RPS6KC1: variants seen among roughly 807,000 people sequenced by gnomAD.
RPS6KC1 encodes the protein ribosomal protein S6 kinase C1.
In RPS6KC1, 54 loss-of-function variants were observed where a neutral mutation model predicts 103.8. The observed-to-expected ratio is 0.52, with a 90% CI of 0.42 to 0.65. RPS6KC1 has a LOEUF of 0.65. Ranked by LOEUF, RPS6KC1 falls within the 30% of genes least tolerant of loss-of-function variation. RPS6KC1 has a pLI of 0.00. For synonymous variants in RPS6KC1, 439 were observed against 438.7 expected, an observed-to-expected ratio of 1.00 and a Z score of -0.01; for missense variants, 1,151 against 1,253.8, an observed-to-expected ratio of 0.92 and a Z score of 1.24.
the RPS6KC1 span, among the ~76,000 whole-genome samples, chr1:213,336,819 G>A: frequency 6.6e-6 from 1 of 152,132 alleles, no homozygotes; most frequent in African/African-American, 2.4e-5. Flanking sequence ...CACCCAGCTC[G>A]TTGAGTTTTT....
rs1440147919 is a variant in RPS6KC1, at chr1:213,107,513, A to G, written c.378+2944A>G. Reference sequence around the variant, plus strand: ...CTTTTATGTTGCTGAAATGCATTTCATTGTATAGATAATACCACATTTTCT... The same window carrying G: ...CTTTTATGTTGCTGAAATGCATTTCGTTGTATAGATAATACCACATTTTCT... On this transcript the variant is annotated intron_variant, in intron 4 of 14. Transcript: ENST00000366960. 2.0e-5 allele frequency among the ~76,000 whole-genome samples: 3 copies of G among 152,192 alleles called. No homozygotes were observed. The East Asian group carries it at 5.8e-4, about 29-fold the overall frequency.
At chr1:213,131,890 G>A (rs901921769) in intron 6 of RPS6KC1, among the ~76,000 whole-genome samples, 49 of 152,206 alleles carry the variant, frequency 3.2e-4, no homozygotes, top group African/African-American at 1.2e-3. Context: ...TTTTCCATTT[G>A]TTTTCAGAGA....
At chr1:213,186,732 ATATCT>A (rs1401973330) in intron 8 of RPS6KC1, among the ~76,000 whole-genome samples, 4 of 152,048 alleles carry the variant, frequency 2.6e-5, no homozygotes, top group Admixed American at 6.5e-5. Context: ...ATAATTTTTA[ATATCT>A]TATAGGCAGC....
chr1:213,411,827 G>C, the RPS6KC1 span, among the ~76,000 whole-genome samples: 13 of 152,170 alleles, frequency 8.5e-5, no homozygotes, highest in African/African-American at 3.1e-4. Context: ...GTGCTTCAGA[G>C]AAGCCAGGGA....
the RPS6KC1 span, among the ~76,000 whole-genome samples, chr1:213,785,307 G>T: frequency 6.6e-6 from 1 of 152,060 alleles, no homozygotes; most frequent in African/African-American, 2.4e-5. Context: ...ACACCTCACA[G>T]ACCTTTAGAA....
At chr1:213,576,520 C>T in the RPS6KC1 span, among the ~76,000 whole-genome samples, 3 of 151,834 alleles carry the variant, frequency 2.0e-5, no homozygotes, top group Non-Finnish European at 4.4e-5. Flanking sequence ...TTATGGTGGT[C>T]TGTGATCATC....
chr1:213,053,247 C>T (rs1572206116), intron 1 of RPS6KC1, among the ~76,000 whole-genome samples: 1 of 152,256 alleles, frequency 6.6e-6, no homozygotes, highest in East Asian at 1.9e-4. Context: ...CCTACTTATC[C>T]GTTAATTTAA....
chr1:213,718,423 C>T, the RPS6KC1 span, among the ~76,000 whole-genome samples: 1 of 152,198 alleles, frequency 6.6e-6, no homozygotes, highest in East Asian at 1.9e-4. Context: ...GAGTTATTCA[C>T]CCTTTTCCAG....
the RPS6KC1 span, among the ~76,000 whole-genome samples, chr1:213,765,723 C>T: frequency 3.3e-4 from 50 of 152,276 alleles, no homozygotes; most frequent in South Asian, 5.4e-3. Context: ...CTACTACTCC[C>T]CTCCACCCTT....
chr1:213,763,716 G>A, the RPS6KC1 span, among the ~76,000 whole-genome samples: 1 of 152,210 alleles, frequency 6.6e-6, no homozygotes, highest in Non-Finnish European at 1.5e-5. Flanking sequence ...TTCTTAGCGA[G>A]TTGAACTCTG....
chr1:213,173,330 T>A (rs1378877022), intron 7 of RPS6KC1, among the ~76,000 whole-genome samples: 1 of 152,232 alleles, frequency 6.6e-6, no homozygotes, highest in South Asian at 2.1e-4. Flanking sequence ...CACTTTGCCT[T>A]TGGTCATTTG....
the RPS6KC1 span, among the ~76,000 whole-genome samples, chr1:213,563,558 A>G: frequency 1.3e-5 from 2 of 152,186 alleles, no homozygotes; most frequent in Admixed American, 1.3e-4. Context: ...GAGTTGATCA[A>G]ACTTTATTTT....
chr1:213,497,462 C>T, the RPS6KC1 span, among the ~76,000 whole-genome samples: 218 of 151,140 alleles, frequency 1.4e-3, 3 homozygotes, highest in Middle Eastern at 0.021. Context: ...AATAACAACA[C>T]AGTCTCCCTT....
chr1:213,213,370 A>T (rs1446677418), intron 8 of RPS6KC1, among the ~76,000 whole-genome samples: 1 of 152,106 alleles, frequency 6.6e-6, no homozygotes, highest in Non-Finnish European at 1.5e-5. Context: ...GAGTATATTT[A>T]TGTGGGTCTC....
intron 4 of RPS6KC1, among the ~76,000 whole-genome samples, chr1:213,106,361 T>A (rs1441980116): frequency 6.6e-6 from 1 of 152,210 alleles, no homozygotes; most frequent in East Asian, 1.9e-4. Context: ...CTCAGTAATG[T>A]CATCAGTGAC....
chr1:213,655,326 A>AG, the RPS6KC1 span, among the ~76,000 whole-genome samples: 56,858 of 152,174 alleles, frequency 0.37, 11,978 homozygotes, highest in Non-Finnish European at 0.49. Context: ...TACAGGCATG[A>AG]GCCACCATTC....
At chr1:213,195,179 G>A (rs1325779974) in intron 8 of RPS6KC1, among the ~76,000 whole-genome samples, 1 of 152,142 alleles carries the variant, frequency 6.6e-6, no homozygotes, top group Admixed American at 6.5e-5. Flanking sequence ...CACAGAGTGA[G>A]CATCCTGGTG....
At chr1:213,238,627 A>G (rs1299230904) in intron 10 of RPS6KC1, among the ~76,000 whole-genome samples, 1 of 152,218 alleles carries the variant, frequency 6.6e-6, no homozygotes, top group Non-Finnish European at 1.5e-5. Context: ...GACTTTAAGT[A>G]CATTGAATTT....
intron 8 of RPS6KC1, among the ~76,000 whole-genome samples, chr1:213,202,700 A>G (rs940909146): frequency 2.6e-5 from 4 of 152,180 alleles, no homozygotes; most frequent in Non-Finnish European, 5.9e-5. Flanking sequence ...AAATAGGGTT[A>G]ATTGAATGGC....
Sources: allele counts gnomAD v4.1 joint callset (sites outside exome capture counted in the v4.1 genomes callset), GRCh38; gene constraint gnomAD v4.1.1; transcripts MANE v1.5; gene names NCBI Gene and HGNC (gene_info 2026-07-23, HGNC 2026-07-21).